PRLR: variants seen among roughly 807,000 people sequenced by gnomAD.
The protein encoded by PRLR is hPRL receptor.
In PRLR, 13 loss-of-function variants were observed where a neutral mutation model predicts 40.2. That is an observed-to-expected ratio of 0.32 (90% confidence interval 0.21 to 0.51). The LOEUF (loss-of-function observed/expected upper bound fraction) is 0.51, where lower values mean the gene tolerates loss of function less well. PRLR is among the 20% of genes least tolerant of loss of function. The pLI is 0.97. For missense variants in PRLR, 656 were observed against 747.3 expected (o/e 0.88, Z 1.42); for synonymous variants, 269 against 278.7 (o/e 0.97, Z 0.35).
At chr5:35,140,634 TA>T (rs746951237) in intron 1 of PRLR, among the ~76,000 whole-genome samples, 6 of 152,226 alleles carry the variant, frequency 3.9e-5, no homozygotes, top group Non-Finnish European at 7.3e-5. Context: ...TTGATGGACT[TA>T]GGCCTTATGA....
chr5:35,086,105 G>T, intron 4 of PRLR, 103 bp downstream of exon 4: 1 of 1,404,038 alleles, frequency 7.1e-7, no homozygotes, highest in Non-Finnish European at 9.9e-7. Flanking sequence ...AACCTTACTG[G>T]TGTAAATTCA....
chr5:35,119,386 TCA>T (rs58727265), intron 1 of PRLR, among the ~76,000 whole-genome samples: 22,627 of 145,254 alleles, frequency 0.16, 3,519 homozygotes, highest in African/African-American at 0.4. Flanking sequence ...TCTCTCTCTC[TCA>T]CACACACACA....
intron 1 of PRLR, among the ~76,000 whole-genome samples, chr5:35,146,757 T>G (rs75173123): frequency 0.018 from 2,695 of 152,230 alleles, 100 homozygotes; most frequent in African/African-American, 0.062. Flanking sequence ...TTTGCTGGAG[T>G]GACAGCTTAA....
At chr5:35,113,468 TCC>T in intron 2 of PRLR, among the ~76,000 whole-genome samples, 7 of 138,796 alleles carry the variant, frequency 5.0e-5, no homozygotes, top group African/African-American at 1.6e-4. Context: ...CATCCATCCA[TCC>T]ATCCATCCAT....
At chr5:35,155,946 T>C (rs1774482090) in intron 1 of PRLR, among the ~76,000 whole-genome samples, 1 of 152,236 alleles carries the variant, frequency 6.6e-6, no homozygotes. Context: ...ATTGTTTGCA[T>C]GGGCAGAACA....
chr5:35,132,186 G>A lies in PRLR; in HGVS notation c.-105-14064C>T, dbSNP rs531087369. Among the ~76,000 whole-genome samples the A allele has an allele frequency of 1.2e-4, 19 of 152,206 alleles. No individual in the cohort carries two copies. The East Asian group carries it at 2.7e-3, about 22-fold the overall frequency. On this transcript the variant is annotated intron_variant, in intron 1 of 9. Coordinates refer to ENST00000618457, the MANE Select transcript of PRLR (RefSeq NM_000949.7). ...TACCAACCTATCCAAAACACATGGAGGAGAAAAAGGGAAATAAATTAAACC... is the reference window on the plus strand; with the variant it reads ...TACCAACCTATCCAAAACACATGGAAGAGAAAAAGGGAAATAAATTAAACC...
chr5:35,174,835 C>G (rs1212109913), intron 1 of PRLR, among the ~76,000 whole-genome samples: 1 of 152,196 alleles, frequency 6.6e-6, no homozygotes, highest in African/African-American at 2.4e-5. Flanking sequence ...GACCCCCACC[C>G]TGAGTACCAC....
At position 35,120,755 on chromosome 5, in the gene PRLR, G is replaced by A. The variant is rs966346997; in HGVS notation, c.-105-2633C>T. ...TACATTAGCTCCCACTTGGAGTACTGTGCTCATTTCCCTGCTCCTCACTTT... is the reference window on the plus strand; with the variant it reads ...TACATTAGCTCCCACTTGGAGTACTATGCTCATTTCCCTGCTCCTCACTTT... On this transcript the variant is annotated intron_variant, in intron 1 of 9. Coordinates refer to ENST00000618457, the MANE Select transcript of PRLR (RefSeq NM_000949.7). Among the ~76,000 whole-genome samples, 29 of 152,174 alleles carry A rather than the reference G, an allele frequency of 1.9e-4. 1 individual carries two copies. Among genetic ancestry groups the A allele is most frequent in the Admixed American group, 1.6e-3 (24 of 15,274 alleles).
chr5:35,107,487 A>G (rs930107602), intron 2 of PRLR, among the ~76,000 whole-genome samples: 1 of 152,188 alleles, frequency 6.6e-6, no homozygotes, highest in African/African-American at 2.4e-5. Context: ...TAGCAAGACT[A>G]ATAAAGAAGA....
chr5:35,066,129 A>G, intron 9 of PRLR, 27 bp from the exon 10 acceptor site: 3 of 1,593,634 alleles, frequency 1.9e-6, no homozygotes, highest in Non-Finnish European at 2.6e-6. Flanking sequence ...ACAAGAAGAG[A>G]TGGCTGTTAG....
intron 3 of PRLR, among the ~76,000 whole-genome samples, chr5:35,086,562 T>C (rs73767508): frequency 7.1e-6 from 1 of 140,180 alleles, no homozygotes; most frequent in Admixed American, 7.3e-5. Flanking sequence ...ATTTTGCTGG[T>C]GTGTGTGTGT....
intron 1 of PRLR, among the ~76,000 whole-genome samples, chr5:35,216,634 T>A (rs1776295099): frequency 6.6e-6 from 1 of 152,182 alleles, no homozygotes; most frequent in Non-Finnish European, 1.5e-5. Context: ...CCAAAGACAG[T>A]GTGCTGCCTT....
At chr5:35,109,602 A>G (rs947656497) in intron 2 of PRLR, among the ~76,000 whole-genome samples, 2 of 152,246 alleles carry the variant, frequency 1.3e-5, no homozygotes, top group African/African-American at 4.8e-5. Context: ...TGCAGCCAAC[A>G]GACACATGAA....
chr5:35,168,959 C>A (rs2111935333), intron 1 of PRLR, among the ~76,000 whole-genome samples: 1 of 152,244 alleles, frequency 6.6e-6, no homozygotes, highest in Non-Finnish European at 1.5e-5. Flanking sequence ...CACCTCAAAC[C>A]TGGAAAGCAG....
Position 35,089,588 on chromosome 5 carries a change from G to T in PRLR, c.33C>A (p.Phe11Leu). MKENVASATVFTLLLFLNTCL... is the reference protein window; with the variant it reads MKENVASATVLTLLLFLNTCL... ...AGGTGTTGAGAAAAAGTAGCAGAGT[G>T]AAAACGGTTGCAGATGCCACATTTT... The change falls in exon 3 of 10, where the codon TTC becomes TTA. Residue 11 changes from phenylalanine (F) to leucine (L), a missense_variant. Phe to Leu is a conservative substitution (Grantham distance 22, BLOSUM62 0). Around this residue, in one of 3 missense-constraint regions of PRLR, gnomAD observed 180 missense variants for 236.8 expected, o/e 0.76. Transcript: ENST00000618457. 1.2e-6 allele frequency: 2 copies of T among 1,614,026 alleles called. No homozygotes were observed. Among genetic ancestry groups the T allele is most frequent in the South Asian group, 1.1e-5 (1 of 91,074 alleles).
At chr5:35,104,047 C>T (rs958392929) in intron 2 of PRLR, among the ~76,000 whole-genome samples, 3 of 152,074 alleles carry the variant, frequency 2.0e-5, no homozygotes, top group African/African-American at 7.2e-5. Context: ...ATTGTGTTCA[C>T]TTTTATATCC....
At chr5:35,087,843 C>T (rs1432548375) in intron 3 of PRLR, among the ~76,000 whole-genome samples, 1 of 152,174 alleles carries the variant, frequency 6.6e-6, no homozygotes, top group Non-Finnish European at 1.5e-5. Context: ...TGGGAAGCCA[C>T]CATGCTCGCC....
At chr5:35,212,065 C>T (rs760312843) in intron 1 of PRLR, among the ~76,000 whole-genome samples, 2 of 152,186 alleles carry the variant, frequency 1.3e-5, no homozygotes, top group East Asian at 1.9e-4. Flanking sequence ...AAAAGTATTG[C>T]TGACTCCGGT....
chr5:35,127,020 C>T (rs775026533), intron 1 of PRLR, among the ~76,000 whole-genome samples: 2 of 152,182 alleles, frequency 1.3e-5, no homozygotes, highest in African/African-American at 2.4e-5. Flanking sequence ...GGTTTTGCCA[C>T]CTGGAGTAAG....
Sources: allele counts gnomAD v4.1 joint callset (sites outside exome capture counted in the v4.1 genomes callset), GRCh38; gene constraint gnomAD v4.1.1; regional missense constraint gnomAD v4.1.1; transcripts MANE v1.5; gene names NCBI Gene and HGNC (gene_info 2026-07-23, HGNC 2026-07-21).